Variants in SLC4A4 observed in about 807,000 individuals in gnomAD.
SLC4A4 encodes electrogenic sodium bicarbonate cotransporter 1.
Under a neutral mutation model 111.5 loss-of-function variants are expected in SLC4A4, and 27 were observed. The observed-to-expected ratio is 0.24, with a 90% CI of 0.18 to 0.33. The LOEUF (loss-of-function observed/expected upper bound fraction) is 0.33, where lower values mean the gene tolerates loss of function less well. Among genes scored for constraint, SLC4A4 ranks in the 10% least tolerant of loss-of-function variants. The pLI, the probability that SLC4A4 is intolerant of heterozygous loss-of-function variation, is 1.00. For missense variants in SLC4A4, 909 were observed against 1,315.5 expected, an observed-to-expected ratio of 0.69 and a Z score of 4.78; for synonymous variants, 443 against 463.4, an observed-to-expected ratio of 0.96 and a Z score of 0.57.
intron 2 of SLC4A4, among the ~76,000 whole-genome samples, chr4:71,131,212 C>T (rs910611572): frequency 6.6e-6 from 1 of 152,162 alleles, no homozygotes. Context: ...GAAAAATTGA[C>T]AGAAAAAGCA....
At chr4:71,520,412 A>G (rs1200809574) in intron 16 of SLC4A4, among the ~76,000 whole-genome samples, 1 of 152,230 alleles carries the variant, frequency 6.6e-6, no homozygotes, top group Non-Finnish European at 1.5e-5. Flanking sequence ...ATACTTCTTG[A>G]CTAGTGGAAA....
chr4:71,514,008 T>C (rs1374309096), intron 16 of SLC4A4, among the ~76,000 whole-genome samples: 3 of 152,214 alleles, frequency 2.0e-5, no homozygotes, highest in Non-Finnish European at 4.4e-5. Flanking sequence ...TATATTATCT[T>C]GTAGATGTAC....
chr4:71,170,478 G>A (rs796328445), intron 2 of SLC4A4, among the ~76,000 whole-genome samples: 4 of 152,294 alleles, frequency 2.6e-5, no homozygotes, highest in African/African-American at 9.6e-5. Context: ...TACATGACTA[G>A]TCACAGAAGA....
rs535019763 is a variant in SLC4A4, at chr4:71,477,693, A to T, written c.1903+4723A>T. Among the ~76,000 whole-genome samples the T allele has an allele frequency of 9.2e-5, 14 of 151,906 alleles. No individual in the cohort carries two copies. In the East Asian group the frequency reaches 2.5e-3, roughly 28 times the overall value. ...ATCTCTTTAATTTATTCAAAAGCAT[A>T]AATACTAGAATTTTGGAAATAGGGA... On this transcript the variant is annotated intron_variant, in intron 14 of 25. Transcript: ENST00000264485.
At chr4:71,286,302 G>T (rs1213201068) in intron 3 of SLC4A4, among the ~76,000 whole-genome samples, 1 of 152,168 alleles carries the variant, frequency 6.6e-6, no homozygotes, top group Non-Finnish European at 1.5e-5. Context: ...AATTGGGGTG[G>T]AGCCTGGAAG....
intron 2 of SLC4A4, among the ~76,000 whole-genome samples, chr4:71,110,124 T>C (rs115313706): frequency 0.013 from 1,956 of 152,300 alleles, 47 homozygotes; most frequent in African/African-American, 0.044. Flanking sequence ...TTGTAATTAC[T>C]GTCTGGGTGG....
At chr4:71,255,131 C>A in intron 2 of SLC4A4, 89 bp from the exon 3 acceptor site, 1 of 1,206,690 alleles carries the variant, frequency 8.3e-7, no homozygotes, top group Non-Finnish European at 1.2e-6. Context: ...AATTTATAGA[C>A]ATTTTCTTCT....
Position 71,398,097 on chromosome 4 carries a change from C to A in SLC4A4, c.807+444C>A, listed in dbSNP as rs2148979651. ...GGCCAGGAGTTGAAGACCAGTCTGG[C>A]CAACATGACAAAACCCGTCTCTACT... On this transcript the variant is annotated intron_variant, in intron 7 of 25. Transcript: ENST00000264485. Among the ~76,000 whole-genome samples the A allele has an allele frequency of 1.3e-5, 2 of 151,986 alleles. 1 individual carries two copies. Among genetic ancestry groups the A allele is most frequent in the African/African-American group, 4.8e-5 (2 of 41,464 alleles).
At chr4:71,075,800 C>T (rs1560705799) in intron 1 of SLC4A4, among the ~76,000 whole-genome samples, 2 of 151,934 alleles carry the variant, frequency 1.3e-5, no homozygotes, top group South Asian at 4.2e-4. Context: ...CCCGTCCCCA[C>T]TAAAAATACA....
intron 18 of SLC4A4, among the ~76,000 whole-genome samples, chr4:71,539,243 A>T (rs1734834770): frequency 6.6e-6 from 1 of 152,128 alleles, no homozygotes; most frequent in South Asian, 2.1e-4. Flanking sequence ...AGGGTTAGCC[A>T]TAATAACCAA....
At chr4:71,161,200 T>G (rs1744609084) in intron 2 of SLC4A4, among the ~76,000 whole-genome samples, 1 of 152,254 alleles carries the variant, frequency 6.6e-6, no homozygotes, top group Middle Eastern at 3.4e-3. Flanking sequence ...ACAAAGCAAA[T>G]AGGCTTCTCA....
At chr4:71,329,345 AT>A (rs1727773692) in intron 3 of SLC4A4, among the ~76,000 whole-genome samples, 1 of 151,534 alleles carries the variant, frequency 6.6e-6, no homozygotes, top group African/African-American at 2.4e-5. Context: ...TTTTTTTTCT[AT>A]TTCTGTGAAG....
chr4:71,292,437 T>C (rs906067493), intron 3 of SLC4A4, among the ~76,000 whole-genome samples: 2 of 152,148 alleles, frequency 1.3e-5, no homozygotes, highest in African/African-American at 2.4e-5. Context: ...TTTGGCATAA[T>C]TGAGGGTGTG....
chr4:71,150,980 C>A (rs1744300088), intron 2 of SLC4A4, among the ~76,000 whole-genome samples: 1 of 152,162 alleles, frequency 6.6e-6, no homozygotes, highest in East Asian at 1.9e-4. Context: ...ATTTTCATTT[C>A]TAATTGTGAG....
intron 2 of SLC4A4, among the ~76,000 whole-genome samples, chr4:71,157,809 G>C (rs557947280): frequency 6.6e-6 from 1 of 152,094 alleles, no homozygotes; most frequent in African/African-American, 2.4e-5. Context: ...ATGAAACAGC[G>C]ACCAGCTTCT....
At chr4:71,484,023 G>T (rs1002629399) in intron 14 of SLC4A4, among the ~76,000 whole-genome samples, 9 of 150,748 alleles carry the variant, frequency 6.0e-5, no homozygotes, top group East Asian at 2.0e-4. Flanking sequence ...AATAGGGCTG[G>T]TTTTTTTTCT....
chr4:71,070,962 G>T (rs1190612902), intron 1 of SLC4A4, among the ~76,000 whole-genome samples: 1 of 145,082 alleles, frequency 6.9e-6, no homozygotes, highest in Non-Finnish European at 1.5e-5. Flanking sequence ...AGCTGGAAAA[G>T]GTCAACCTTT....
chr4:71,561,610 T>A (rs906811395), intron 23 of SLC4A4, among the ~76,000 whole-genome samples: 1 of 151,500 alleles, frequency 6.6e-6, no homozygotes, highest in Non-Finnish European at 1.5e-5. Context: ...GAAAAAGAGG[T>A]GAAAAGAGCT....
chr4:71,567,431 A>G (rs570664917), intron 25 of SLC4A4, among the ~76,000 whole-genome samples: 27 of 151,824 alleles, frequency 1.8e-4, no homozygotes, highest in Admixed American at 5.3e-4. Flanking sequence ...AGTTCTAGGG[A>G]TTTCAGATTC....
Sources: gnomAD v4.1 joint callset for allele counts (sites outside exome capture counted in the v4.1 genomes callset) on GRCh38, gnomAD v4.1.1 for gene constraint, MANE v1.5 for transcripts, NCBI Gene and HGNC (gene_info 2026-07-23, HGNC 2026-07-21) for gene names.